Variants in EEA1 observed in about 807,000 individuals in gnomAD.
The protein encoded by EEA1 is early endosome antigen 1, 162kD.
A neutral mutation model predicts 209.2 loss-of-function variants in EEA1; 111 were observed. That is an observed-to-expected ratio of 0.53 (90% CI 0.45 to 0.62). The LOEUF is 0.62. Among genes scored for constraint, EEA1 ranks in the 20% least tolerant of loss-of-function variants. The pLI is 0.00. For missense variants in EEA1, 1,343 were observed against 1,530.8 expected (o/e 0.88, Z 2.05); for synonymous variants, 536 against 540.6 (o/e 0.99, Z 0.12).
At chr12:92,847,317 T>C (rs1054449367) in intron 9 of EEA1, among the ~76,000 whole-genome samples, 1 of 152,188 alleles carries the variant, frequency 6.6e-6, no homozygotes, top group African/African-American at 2.4e-5. Context: ...GATGCCAATA[T>C]TTAGGTTTGG....
At chr12:92,906,093 CTTT>C (rs112834673) in intron 1 of EEA1, among the ~76,000 whole-genome samples, 2 of 139,494 alleles carry the variant, frequency 1.4e-5, no homozygotes, top group African/African-American at 2.6e-5. Context: ...CTTTTCTTTT[CTTT>C]TTTTTTTTTT....
At chr12:92,923,080 G>A (rs1273863099) in intron 1 of EEA1, among the ~76,000 whole-genome samples, 1 of 152,080 alleles carries the variant, frequency 6.6e-6, no homozygotes, top group Non-Finnish European at 1.5e-5. Flanking sequence ...GGGCGCGGTG[G>A]CTCACGCCTG....
intron 1 of EEA1, among the ~76,000 whole-genome samples, chr12:92,928,739 C>T (rs1026407660): frequency 1.3e-5 from 2 of 152,076 alleles, no homozygotes; most frequent in African/African-American, 4.8e-5. Context: ...CTCAGGGTTC[C>T]CGGGAGGAAC....
rs897309849 is a variant in EEA1, at chr12:92,802,330, A to G, written c.2670+74T>C. Reference sequence around the variant, plus strand: ...ATGTGGAAAGAAAAGCAAACTGTGAATTAAGCAGAAAAATCAGTACATTTT... The same window carrying G: ...ATGTGGAAAGAAAAGCAAACTGTGAGTTAAGCAGAAAAATCAGTACATTTT... On this transcript the variant is annotated intron_variant, in intron 19 of 28. Transcript: ENST00000322349. The G allele has an allele frequency of 8.1e-6, 11 of 1,351,788 alleles. No homozygotes were observed. In the African/African-American group the frequency reaches 1.4e-4, roughly 17 times the overall value. The allele number at this position is 1,351,788 out of a possible 1,614,324, so 83.7% of individuals were successfully genotyped here. A position where few individuals can be genotyped will look rare whatever the true frequency, so the allele number is the denominator to read the frequency against.
At chr12:92,842,421 A>G (rs1877207469) in intron 10 of EEA1, 44 bp downstream of exon 10, 1 of 928,890 alleles carries the variant, frequency 1.1e-6, no homozygotes, top group Non-Finnish European at 1.7e-6. Flanking sequence ...TATTTAAAAT[A>G]CATAAAATCA....
chr12:92,799,856 G>A (rs903310480), intron 20 of EEA1, among the ~76,000 whole-genome samples: 1 of 152,052 alleles, frequency 6.6e-6, no homozygotes, highest in Non-Finnish European at 1.5e-5. Context: ...TTGTCGCAAA[G>A]AATAGCTCTA....
At chr12:92,827,616 G>A (rs1876378069) in intron 12 of EEA1, among the ~76,000 whole-genome samples, 1 of 152,082 alleles carries the variant, frequency 6.6e-6, no homozygotes, top group Admixed American at 6.5e-5. Context: ...TGTTTCATTA[G>A]GAAGTAGTCC....
At chr12:92,791,687 A>C (rs1345105927) in intron 21 of EEA1, among the ~76,000 whole-genome samples, 2 of 152,142 alleles carry the variant, frequency 1.3e-5, no homozygotes, top group Non-Finnish European at 2.9e-5. Flanking sequence ...AGACTTTAAC[A>C]CCTCGCTGTC....
At chr12:92,840,250 G>C (rs1402282846) in intron 10 of EEA1, among the ~76,000 whole-genome samples, 1 of 151,996 alleles carries the variant, frequency 6.6e-6, no homozygotes, top group Non-Finnish European at 1.5e-5. Context: ...CACCAAAAAA[G>C]TAAAGACAAA....
At chr12:92,900,972 A>T (rs777096270) in intron 1 of EEA1, among the ~76,000 whole-genome samples, 4 of 152,106 alleles carry the variant, frequency 2.6e-5, no homozygotes, top group Non-Finnish European at 5.9e-5. Context: ...TCCAGCCTAA[A>T]CTGGATATTT....
In EEA1 at chr12:92,798,899, A is replaced by G; in HGVS notation, c.2960T>C (p.Leu987Ser). The change falls in exon 21 of 29, where the codon TTA (leucine) becomes TCA (serine). Residue 987 changes from leucine (L) to serine (S), a missense_variant. Around this residue, in one of 3 missense-constraint regions of EEA1, gnomAD observed 1,307 missense variants for 1,465.5 expected, o/e 0.89. Coordinates refer to ENST00000322349, the MANE Select transcript of EEA1 (RefSeq NM_003566.4). ...ALQGELKIAVLQKTELENKLQ... is the reference protein window; with the variant it reads ...ALQGELKIAVSQKTELENKLQ... The stretch of plus-strand genomic sequence containing the variant: ...AAACAAATATATCACTACCTTCTGT[A>G]AAACAGCAATTTTAAGCTCTCCTTG... 2 of 1,585,842 alleles carry G rather than the reference A, an allele frequency of 1.3e-6. No individual in the cohort carries two copies. Among genetic ancestry groups the G allele is most frequent in the Non-Finnish European group, 1.7e-6 (2 of 1,171,792 alleles).
At chr12:92,884,928 G>A (rs1360900259) in intron 2 of EEA1, among the ~76,000 whole-genome samples, 2 of 148,482 alleles carry the variant, frequency 1.3e-5, no homozygotes, top group Admixed American at 1.3e-4. Context: ...TGTGGAAAGT[G>A]TAAAGCATTC....
At chr12:92,806,633 C>T (rs1419552987) in intron 18 of EEA1, among the ~76,000 whole-genome samples, 1 of 152,158 alleles carries the variant, frequency 6.6e-6, no homozygotes, top group Non-Finnish European at 1.5e-5. Context: ...CTTTTTAAGG[C>T]CAGTATAACT....
chr12:92,787,782 C>G, intron 22 of EEA1, 85 bp downstream of exon 22: 1 of 1,083,546 alleles, frequency 9.2e-7, no homozygotes, highest in Non-Finnish European at 1.2e-6. Context: ...CTAACATTTC[C>G]TTGCCCATTT....
At chr12:92,925,790 G>A (rs1881186625) in intron 1 of EEA1, among the ~76,000 whole-genome samples, 1 of 152,180 alleles carries the variant, frequency 6.6e-6, no homozygotes, top group Admixed American at 6.5e-5. Context: ...AGGGACAAAA[G>A]CAGGAGAACC....
intron 2 of EEA1, among the ~76,000 whole-genome samples, chr12:92,881,864 G>A (rs867563360): frequency 1.3e-5 from 2 of 151,858 alleles, no homozygotes; most frequent in East Asian, 1.9e-4. Context: ...GCTGACCCTC[G>A]AACACCGCAA....
intron 11 of EEA1, among the ~76,000 whole-genome samples, chr12:92,831,739 T>C (rs185480403): frequency 6.6e-6 from 1 of 151,040 alleles, no homozygotes; most frequent in African/African-American, 2.4e-5. Flanking sequence ...ACAAAATATC[T>C]AATTTTTATT....
Position 92,775,587 on chromosome 12 carries a change from T to C in EEA1, c.*424A>G, listed in dbSNP as rs1245669932. 6.5e-6 allele frequency: 1 copy of C among 153,116 alleles called. No homozygotes were observed. The highest frequency in any genetic ancestry group is 2.4e-5 in the African/African-American group (1 of 41,470). The allele number at this position is 153,116 out of a possible 1,614,324, so 9.5% of individuals were successfully genotyped here. Reference sequence around the variant, plus strand: ...ATATTTAATATAATTAATGTGCTATTGTGCAACAAAAACAGCAACAAGTGA... The same window carrying C: ...ATATTTAATATAATTAATGTGCTATCGTGCAACAAAAACAGCAACAAGTGA... On this transcript the variant is annotated 3_prime_UTR_variant, in exon 29 of 29. Coordinates refer to ENST00000322349, the MANE Select transcript of EEA1 (RefSeq NM_003566.4).
chr12:92,864,745 TTTAAA>T, intron 3 of EEA1, 110 bp downstream of exon 3: 2 of 1,049,582 alleles, frequency 1.9e-6, no homozygotes. Flanking sequence ...TGATGACAGA[TTTAAA>T]TTAAATAATA....
Sources: gnomAD v4.1 joint callset for allele counts (sites outside exome capture counted in the v4.1 genomes callset) on GRCh38, gnomAD v4.1.1 for gene constraint, gnomAD v4.1.1 regional missense constraint, MANE v1.5 for transcripts, NCBI Gene and HGNC (gene_info 2026-07-23, HGNC 2026-07-21) for gene names.